Variants in LIG1 observed in about 807,000 individuals in gnomAD.
The protein encoded by LIG1 is ligase I, DNA, ATP-dependent.
In LIG1, 70 loss-of-function variants were observed where a neutral mutation model predicts 115.7. The ratio of observed to expected loss-of-function variants is 0.60; its 90% confidence interval spans 0.50 to 0.74. LIG1 has a LOEUF of 0.74. Among genes scored for constraint, LIG1 ranks in the 30% least tolerant of loss-of-function variants. The pLI, the probability that LIG1 is intolerant of heterozygous loss-of-function variation, is 0.00. For synonymous variants in LIG1, 487 were observed against 495.3 expected (o/e 0.98, Z 0.22); for missense variants, 1,115 against 1,225.6 (o/e 0.91, Z 1.35).
intron 24 of LIG1, chr19:48,120,517 A>G: frequency 1.0e-6 from 1 of 985,332 alleles, no homozygotes; most frequent in South Asian, 4.7e-5. Flanking sequence ...AATATAGGAA[A>G]TACGTAAGAA....
rs2035644521 is a variant in LIG1, at chr19:48,153,765, CA to C, written c.466+106del. The C allele has an allele frequency of 3.0e-5, 16 of 538,146 alleles. 1 individual carries two copies. In the East Asian group the frequency reaches 5.6e-4, roughly 19 times the overall value. 33.3% of individuals were successfully genotyped at this position (538,146 alleles called of 1,614,324 possible). A position where few individuals can be genotyped will look rare whatever the true frequency, so the allele number is the denominator to read the frequency against. ...ACACACACACACACACACACACACA[CA>C]CACACACCTCTCCTTCTGGGGGCTC... On this transcript the variant is annotated intron_variant, in intron 6 of 27. Transcript: ENST00000263274.
rs751358864 is a variant in LIG1, at chr19:48,149,869, T to C, written c.698-28A>G. 1.9e-6 allele frequency: 3 copies of C among 1,607,072 alleles called. No homozygotes were observed. The African/African-American group carries it at 4.0e-5, about 21-fold the overall frequency. Reference sequence around the variant, plus strand: ...AGGAATGAAGACAGAAAACAGTGGGTCTTTTCTCCTTCCGGTAGCCCCCAC... The same window carrying C: ...AGGAATGAAGACAGAAAACAGTGGGCCTTTTCTCCTTCCGGTAGCCCCCAC... On this transcript the variant is annotated intron_variant, in intron 8 of 27. Transcript: ENST00000263274.
Position 48,137,094 on chromosome 19 carries a change from C to A in LIG1, c.1255-10G>T. On this transcript the variant is annotated splice_polypyrimidine_tract_variant and intron_variant, in intron 13 of 27. Coordinates refer to ENST00000263274, the MANE Select transcript of LIG1 (RefSeq NM_000234.3). This position sits in a 1 kb window ranked among gnomAD's most constrained non-coding sequence, Gnocchi z 4.3. ...TCTTCTTGGCTGTGGACTGGAGAGT[C>A]AGGGGAAGAGCCGTCAGTGCCTGGT... The A allele has an allele frequency of 6.2e-7, 1 of 1,610,420 alleles. No individual in the cohort carries two copies. The highest frequency in any genetic ancestry group is 1.1e-5 in the South Asian group (1 of 90,418).
chr19:48,163,072 G>A (rs1433473755), intron 2 of LIG1, among the ~76,000 whole-genome samples: 5 of 151,030 alleles, frequency 3.3e-5, no homozygotes, highest in African/African-American at 4.9e-5. Context: ...CCACCACAAC[G>A]CCCAGCTAAT....
At chr19:48,161,102 T>G (rs2036148587) in intron 4 of LIG1, 1 of 529,830 alleles carries the variant, frequency 1.9e-6, no homozygotes, top group Admixed American at 3.2e-5. Flanking sequence ...CATTTCATCT[T>G]CCCAGTCACC....
chr19:48,125,310 T>C (rs2033589822), intron 21 of LIG1, among the ~76,000 whole-genome samples: 1 of 152,326 alleles, frequency 6.6e-6, no homozygotes, highest in Non-Finnish European at 1.5e-5. Flanking sequence ...GGAAAGCACC[T>C]GATACTTGAC....
chr19:48,131,043 C>T (rs781675968), intron 19 of LIG1, 33 bp downstream of exon 19: 6 of 1,572,066 alleles, frequency 3.8e-6, no homozygotes, highest in Non-Finnish European at 8.8e-7. Flanking sequence ...ACCACAGACC[C>T]TGGCAGAGTG....
In LIG1 at chr19:48,122,488, C is replaced by G. The variant is rs3731015; in HGVS notation, c.2232+446G>C. 1,755 of 294,292 alleles carry G rather than the reference C, an allele frequency of 6.0e-3. 10 individuals are homozygous for G. The highest frequency in any genetic ancestry group is 9.7e-3 in the Non-Finnish European group (1,452 of 149,480). 18.2% of individuals were successfully genotyped at this position (294,292 alleles called of 1,614,324 possible). On this transcript the variant is annotated intron_variant, in intron 23 of 27. Coordinates refer to ENST00000263274, the MANE Select transcript of LIG1 (RefSeq NM_000234.3). The surrounding 1 kb of genome is among the most constrained non-coding windows in gnomAD (Gnocchi z 4.3). ...GTCTCTGCACCGGGGGTTTTCCTCCCTAGTGCTCTGTCCCTCACTTTGGGA... is the reference window on the plus strand; with the variant it reads ...GTCTCTGCACCGGGGGTTTTCCTCCGTAGTGCTCTGTCCCTCACTTTGGGA...
intron 1 of LIG1, among the ~76,000 whole-genome samples, chr19:48,167,051 G>C (rs2036524014): frequency 6.6e-6 from 1 of 150,928 alleles, no homozygotes. Context: ...GAGTCCAAGA[G>C]CAGAACTCAA....
chr19:48,133,141 G>A, intron 17 of LIG1, 44 bp from the exon 18 acceptor site: 1 of 1,226,968 alleles, frequency 8.2e-7, no homozygotes, highest in Non-Finnish European at 1.2e-6. Flanking sequence ...GAAGGCAATG[G>A]ATTAGAGGGG....
chr19:48,140,147 G>T lies in LIG1; in HGVS notation c.915-4C>A. On this transcript the variant is annotated splice_region_variant and splice_polypyrimidine_tract_variant and intron_variant, in intron 11 of 27. Transcript: ENST00000263274. ...CAGCGTCTCCACCATCCGGAGCCTG[G>T]AGGAGGGGACGGGGGTATGAACACG... 5 of 1,610,998 alleles carry T rather than the reference G, an allele frequency of 3.1e-6. No homozygotes were observed. The highest frequency in any genetic ancestry group is 4.2e-6 in the Non-Finnish European group (5 of 1,179,090).
chr19:48,129,472 T>G (rs2033877803), intron 19 of LIG1, among the ~76,000 whole-genome samples: 1 of 152,334 alleles, frequency 6.6e-6, no homozygotes, highest in East Asian at 1.9e-4. Context: ...TGCTGGGCTG[T>G]GAGCTCAGTG....
In LIG1 at chr19:48,137,576, A is replaced by G. The variant is rs1301965094; in HGVS notation, c.1200T>C (p.Thr400=). The G allele has an allele frequency of 6.2e-7, 1 of 1,613,384 alleles. No homozygotes were observed. ...GGAACTTGCTGAAGACCCCGGAGGC[A>G]GTGAGCGGAGGTGGTGGCAGCATGA... The part of the protein sequence containing the change: ...QRLMLPPPPL[T]ASGVFSKFRD... Residue 400 remains threonine, a synonymous_variant, in exon 13 of 28, where the codon ACT becomes ACC. Transcript: ENST00000263274. The surrounding 1 kb of genome is among the most constrained non-coding windows in gnomAD (Gnocchi z 4.3).
Position 48,151,257 on chromosome 19 carries a change from C to A in LIG1, c.549G>T (p.Thr183=), listed in dbSNP as rs776520713. The part of the protein sequence containing the change: ...KEGEDGDQPT[T]PPKPLKTSKA... ...TGGAGGTCTTTAGGGGCTTGGGAGG[C>A]GTGGTGGGCTGGTCCCCGTCTTCTC... The change falls in exon 7 of 28, where the codon ACG becomes ACT. Residue 183 remains threonine (T), a synonymous_variant. Transcript: ENST00000263274. 3 of 1,613,246 alleles carry A rather than the reference C, an allele frequency of 1.9e-6. No homozygotes were observed. In the African/African-American group the frequency reaches 4.0e-5, roughly 22 times the overall value.
At chr19:48,134,156 G>A in intron 16 of LIG1, 90 bp from the exon 17 acceptor site, 2 of 1,235,620 alleles carry the variant, frequency 1.6e-6, no homozygotes, top group Non-Finnish European at 2.3e-6. Context: ...CAGAAGCCTG[G>A]GCTCCTGGAT....
intron 26 of LIG1, among the ~76,000 whole-genome samples, chr19:48,116,965 C>T (rs1006854714): frequency 1.3e-5 from 2 of 152,060 alleles, no homozygotes; most frequent in Admixed American, 6.6e-5. Flanking sequence ...GGTGAAACCC[C>T]GTCTCTACAG....
chr19:48,150,269 CTTTTTTTTTA>C, intron 7 of LIG1, 59 bp from the exon 8 acceptor site: 1 of 1,599,192 alleles, frequency 6.3e-7, no homozygotes, highest in African/African-American at 1.3e-5. Flanking sequence ...CTTTTTTTTT[CTTTTTTTTTA>C]CCCCCAAGAT....
intron 21 of LIG1, chr19:48,123,574 T>C: frequency 1.8e-6 from 1 of 558,660 alleles, no homozygotes; most frequent in Non-Finnish European, 3.2e-6. Flanking sequence ...GCGGCCTTGC[T>C]GGAGCTTGAA....
At chr19:48,142,584 G>T (rs1432517725) in intron 11 of LIG1, among the ~76,000 whole-genome samples, 1 of 152,060 alleles carries the variant, frequency 6.6e-6, no homozygotes, top group Non-Finnish European at 1.5e-5. Context: ...AACCAACATG[G>T]ACACATGTGG....
Sources: allele counts gnomAD v4.1 joint callset (sites outside exome capture counted in the v4.1 genomes callset), GRCh38; gene constraint gnomAD v4.1.1; non-coding constraint Gnocchi (gnomAD v3.1); transcripts MANE v1.5; gene names NCBI Gene and HGNC (gene_info 2026-07-23, HGNC 2026-07-21).